Variants in AZIN1 observed in about 807,000 individuals in gnomAD.
AZIN1 encodes the protein ornithine decarboxylase antizyme inhibitor.
In AZIN1, 12 loss-of-function variants were observed where a neutral mutation model predicts 47.4. The ratio of observed to expected loss-of-function variants is 0.25; its 90% CI spans 0.16 to 0.41. The LOEUF is 0.41. AZIN1 is among the 10% of genes least tolerant of loss of function. The probability of loss-of-function intolerance (pLI) is 1.00; values close to 1 mark genes in which losing one functional copy is unlikely to be tolerated. For synonymous variants in AZIN1, 155 were observed against 176.3 expected, an observed-to-expected ratio of 0.88 and a Z score of 0.96; for missense variants, 410 against 532.4, an observed-to-expected ratio of 0.77 and a Z score of 2.26.
chr8:102,837,420 G>C (rs1473879308), intron 5 of AZIN1, among the ~76,000 whole-genome samples: 1 of 152,092 alleles, frequency 6.6e-6, no homozygotes, highest in Non-Finnish European at 1.5e-5. Flanking sequence ...TTGTGTAACT[G>C]TTTTCCTATG....
chr8:102,850,674 T>A (rs1048400658), intron 2 of AZIN1, among the ~76,000 whole-genome samples: 2 of 152,160 alleles, frequency 1.3e-5, no homozygotes, highest in Non-Finnish European at 2.9e-5. Context: ...ACAGCCTACA[T>A]TGAGTACTCA....
intron 2 of AZIN1, among the ~76,000 whole-genome samples, chr8:102,845,999 T>C (rs1028684579): frequency 6.6e-6 from 1 of 152,236 alleles, no homozygotes; most frequent in African/African-American, 2.4e-5. Flanking sequence ...CTACTGATGA[T>C]GTTCAATGAG....
In AZIN1 at chr8:102,838,851, G is replaced by C; in HGVS notation, c.342C>G (p.Cys114Trp). 1.2e-6 allele frequency: 2 copies of C among 1,613,872 alleles called. No homozygotes were observed. The highest frequency in any genetic ancestry group is 1.7e-6 in the Non-Finnish European group (2 of 1,179,828). Residue 114 changes from cysteine (C) to tryptophan (W), a missense_variant, in exon 5 of 12, where the codon TGC becomes TGG. Cys to Trp is a radical substitution (Grantham distance 215, BLOSUM62 -2). Coordinates refer to ENST00000337198, the MANE Select transcript of AZIN1 (RefSeq NM_148174.4). ...PPENIIYISP[C>W]KQVSQIKYAA... ...CATACTTTATCTGAGACACTTGCTT[G>C]CAAGGACTTATGTAAATAATGTTTT...
At chr8:102,839,040 GA>G (rs1812007603) in intron 4 of AZIN1, 124 bp from the exon 5 acceptor site, 3 of 823,492 alleles carry the variant, frequency 3.6e-6, no homozygotes, top group Non-Finnish European at 5.5e-6. Flanking sequence ...ATTCCAGGCT[GA>G]AGTGCAATAG....
Position 102,826,671 on chromosome 8 carries a change from T to C in AZIN1, c.*1896A>G, listed in dbSNP as rs1056498836. The C allele has an allele frequency of 6.6e-6, 1 of 152,666 alleles. No homozygotes were observed. Among genetic ancestry groups the C allele is most frequent in the Non-Finnish European group, 1.5e-5 (1 of 68,040 alleles). The allele number at this position is 152,666 out of a possible 1,614,324, so 9.5% of individuals were successfully genotyped here. ...TCTTATAGAACAGCTCTCCTGCAGA[T>C]ATGGCAAAGTTGATATGCCATGAAG... On this transcript the variant is annotated 3_prime_UTR_variant, in exon 12 of 12. Coordinates refer to ENST00000337198, the MANE Select transcript of AZIN1 (RefSeq NM_148174.4).
At chr8:102,863,626 C>CCCGCCGCCG (rs371296627) in intron 1 of AZIN1, among the ~76,000 whole-genome samples, 181 bp downstream of exon 1, 2 of 147,778 alleles carry the variant, frequency 1.4e-5, no homozygotes, top group African/African-American at 2.5e-5. Flanking sequence ...GCCGCCCAGC[C>CCCGCCGCCG]CCGCCGCCGC....
intron 2 of AZIN1, among the ~76,000 whole-genome samples, chr8:102,853,607 C>T (rs1291331054): frequency 1.3e-5 from 2 of 152,152 alleles, no homozygotes; most frequent in African/African-American, 2.4e-5. Context: ...TCTCTAAAAC[C>T]TTGTTTATCC....
At position 102,852,597 on chromosome 8, in the gene AZIN1, T is replaced by G. The variant is rs75641243; in HGVS notation, c.-96+5416A>C. ...AAAAAATAATAGTAAAAAAAAAATTTTTTAATACAAAAATTAGCAGGGCGT... is the reference window on the plus strand; with the variant it reads ...AAAAAATAATAGTAAAAAAAAAATTGTTTAATACAAAAATTAGCAGGGCGT... On this transcript the variant is annotated intron_variant, in intron 2 of 11. Transcript: ENST00000337198. 0.014 allele frequency among the ~76,000 whole-genome samples: 2,070 copies of G among 152,114 alleles called. 113 individuals carry two copies. In the East Asian group the frequency reaches 0.2, roughly 15 times the overall value.
At chr8:102,834,295 T>C in intron 7 of AZIN1, 32 bp from the exon 8 acceptor site, 1 of 1,568,288 alleles carries the variant, frequency 6.4e-7, no homozygotes, top group Non-Finnish European at 8.7e-7. Flanking sequence ...TTAAATGTTT[T>C]TCCAAATTGT....
At chr8:102,848,781 T>TA (rs1028908935) in intron 2 of AZIN1, among the ~76,000 whole-genome samples, 12 of 151,934 alleles carry the variant, frequency 7.9e-5, no homozygotes, top group African/African-American at 2.2e-4. Flanking sequence ...GTTCCATTGT[T>TA]AAAAAAAAGA....
intron 2 of AZIN1, among the ~76,000 whole-genome samples, chr8:102,854,237 C>T (rs959025517): frequency 6.6e-6 from 1 of 151,826 alleles, no homozygotes; most frequent in African/African-American, 2.4e-5. Flanking sequence ...CCGCACCCAG[C>T]GGACAACCTC....
At chr8:102,841,564 C>T (rs1237111175) in intron 3 of AZIN1, among the ~76,000 whole-genome samples, 3 of 152,106 alleles carry the variant, frequency 2.0e-5, no homozygotes, top group Non-Finnish European at 2.9e-5. Context: ...TGACAAGTTT[C>T]ATGACCAATA....
chr8:102,840,387 G>C (rs1026583228), intron 3 of AZIN1, among the ~76,000 whole-genome samples: 8 of 152,124 alleles, frequency 5.3e-5, no homozygotes, highest in African/African-American at 1.4e-4. Flanking sequence ...TGTAGCAACA[G>C]ACTGGAGGGC....
intron 3 of AZIN1, among the ~76,000 whole-genome samples, chr8:102,843,147 C>T (rs1035938029): frequency 2.8e-5 from 4 of 140,872 alleles, no homozygotes; most frequent in South Asian, 2.2e-4. Context: ...GAGGGTTGCA[C>T]GTGAGCCAAG....
chr8:102,849,292 A>AAAACAAAAACAAG (rs1329538910), intron 2 of AZIN1, among the ~76,000 whole-genome samples: 4 of 152,134 alleles, frequency 2.6e-5, no homozygotes. Flanking sequence ...ACTCCATCTC[A>AAAACAAAAACAAG]AAACAAAAAC....
rs2131204728 is a variant in AZIN1, at chr8:102,834,081, G to GT, written c.741+107dup. On this transcript the variant is annotated intron_variant, in intron 8 of 11. Coordinates refer to ENST00000337198, the MANE Select transcript of AZIN1 (RefSeq NM_148174.4). ...TCTAAGAACATAATTTTAAAGAGAT[G>GT]TTATAGGGTTTAGTTTCTGCCATTG... is the stretch of plus-strand genomic sequence containing the variant. 3.6e-6 allele frequency: 3 copies of GT among 834,082 alleles called. No individual in the cohort carries two copies. The East Asian group carries it at 7.5e-5, about 21-fold the overall frequency. The allele number at this position is 834,082 out of a possible 1,614,324, so 51.7% of individuals were successfully genotyped here. A position where few individuals can be genotyped will look rare whatever the true frequency, so the allele number is the denominator to read the frequency against.
chr8:102,842,618 A>G (rs953539174), intron 3 of AZIN1, among the ~76,000 whole-genome samples: 4 of 149,124 alleles, frequency 2.7e-5, no homozygotes, highest in Non-Finnish European at 6.0e-5. Flanking sequence ...GAGGCAGGAG[A>G]ATCGCTTGAA....
rs1299813957 is a variant in AZIN1 at position 102,845,577 on chromosome 8, A to G, written c.-95-1830T>C. 2.6e-5 allele frequency among the ~76,000 whole-genome samples: 4 copies of G among 152,314 alleles called. No individual in the cohort carries two copies. The South Asian group carries it at 8.3e-4, about 32-fold the overall frequency. On this transcript the variant is annotated intron_variant, in intron 2 of 11. Coordinates refer to ENST00000337198, the MANE Select transcript of AZIN1 (RefSeq NM_148174.4). ...CATTTTAGGCTAAGAATACATGTTT[A>G]TTTTAAGCAATTTAAAGCACCAATT...
chr8:102,859,397 T>C (rs756490107), intron 1 of AZIN1, among the ~76,000 whole-genome samples: 1 of 152,190 alleles, frequency 6.6e-6, no homozygotes, highest in Non-Finnish European at 1.5e-5. Flanking sequence ...AATACATATA[T>C]CCACAGCTAT....
Sources: gnomAD v4.1 joint callset for allele counts (sites outside exome capture counted in the v4.1 genomes callset) on GRCh38, gnomAD v4.1.1 for gene constraint, MANE v1.5 for transcripts, NCBI Gene and HGNC (gene_info 2026-07-23, HGNC 2026-07-21) for gene names.